WDPCP: variants seen among roughly 807,000 people sequenced by gnomAD.
WDPCP encodes the protein WD repeat-containing and planar cell polarity effector protein fritz homolog.
Under a neutral mutation model 93.1 loss-of-function variants are expected in WDPCP, and 71 were observed. That is an observed-to-expected ratio of 0.76 (90% confidence interval 0.63 to 0.93). The LOEUF is 0.93. Ranked by LOEUF, WDPCP falls within the 40% of genes least tolerant of loss-of-function variation. The pLI, the probability that WDPCP is intolerant of heterozygous loss-of-function variation, is 0.00. For synonymous variants in WDPCP, 315 were observed against 315.0 expected (o/e 1.00, Z 0.00); for missense variants, 844 against 887.4 (o/e 0.95, Z 0.62).
intron 1 of WDPCP, among the ~76,000 whole-genome samples, chr2:63,583,952 GAA>G (rs919156719): frequency 6.7e-6 from 1 of 149,754 alleles, no homozygotes; most frequent in Non-Finnish European, 1.5e-5. Context: ...AGAAGAATAA[GAA>G]AAAAAAAGAG....
At chr2:63,454,408 T>C (rs1698486867) in intron 6 of WDPCP, among the ~76,000 whole-genome samples, 1 of 151,770 alleles carries the variant, frequency 6.6e-6, no homozygotes, top group African/African-American at 2.4e-5. Context: ...ATATACATGA[T>C]GAGTTGATGG....
At chr2:63,312,079 AT>A (rs1057112602) in intron 13 of WDPCP, among the ~76,000 whole-genome samples, 4 of 152,166 alleles carry the variant, frequency 2.6e-5, no homozygotes, top group African/African-American at 9.6e-5. Flanking sequence ...TTTGATGAAA[AT>A]AATAAAATCT....
At chr2:63,609,168 A>C (rs1575728979) in intron 3 of WDPCP, among the ~76,000 whole-genome samples, 1 of 152,088 alleles carries the variant, frequency 6.6e-6, no homozygotes, top group Non-Finnish European at 1.5e-5. Context: ...GGAGTTCAAG[A>C]CTAGCCTGGC....
chr2:63,648,446 A>G (rs1181058497), intron 3 of WDPCP, among the ~76,000 whole-genome samples: 1 of 152,226 alleles, frequency 6.6e-6, no homozygotes, highest in African/African-American at 2.4e-5. Flanking sequence ...TCATTCAATG[A>G]GTTGGGAAAT....
chr2:63,241,711 T>G (rs972052494), intron 14 of WDPCP, among the ~76,000 whole-genome samples: 1 of 152,138 alleles, frequency 6.6e-6, no homozygotes, highest in African/African-American at 2.4e-5. Context: ...TGATGTTCTA[T>G]CTCAGCTTCT....
intron 13 of WDPCP, among the ~76,000 whole-genome samples, chr2:63,275,336 C>T (rs773394177): frequency 6.6e-6 from 1 of 152,112 alleles, no homozygotes. Flanking sequence ...TAGCATCATA[C>T]TGAATAGGCA....
intron 12 of WDPCP, among the ~76,000 whole-genome samples, chr2:63,333,709 T>C (rs2104369652): frequency 6.6e-6 from 1 of 152,338 alleles, no homozygotes; most frequent in East Asian, 1.9e-4. Flanking sequence ...ATTTCTTAAA[T>C]GTATTTAAGT....
At chr2:63,610,893 G>C (rs924186991) in intron 3 of WDPCP, among the ~76,000 whole-genome samples, 1 of 152,088 alleles carries the variant, frequency 6.6e-6, no homozygotes, top group Non-Finnish European at 1.5e-5. Context: ...TCAGGAGTTC[G>C]AGACCAACCT....
In WDPCP at chr2:63,335,666, C is replaced by A. The variant is rs146661600; in HGVS notation, c.1749-22355G>T. Reference sequence around the variant, plus strand: ...TGTTTTTGTGTGTTGATCCTGTATCCTGCAACCTTGCTGAATTCATTTATT... The same window carrying A: ...TGTTTTTGTGTGTTGATCCTGTATCATGCAACCTTGCTGAATTCATTTATT... On this transcript the variant is annotated intron_variant, in intron 12 of 17. Coordinates refer to ENST00000272321, the MANE Select transcript of WDPCP (RefSeq NM_015910.7). Among the ~76,000 whole-genome samples, 293 of 152,216 alleles carry A rather than the reference C, an allele frequency of 1.9e-3. 3 individuals carry two copies. The highest frequency in any genetic ancestry group is 6.6e-3 in the African/African-American group (273 of 41,540).
At chr2:63,283,991 C>T (rs1376645285) in intron 13 of WDPCP, among the ~76,000 whole-genome samples, 1 of 150,500 alleles carries the variant, frequency 6.6e-6, no homozygotes, top group East Asian at 1.9e-4. Context: ...GTTATTCAGT[C>T]AAAAAAGAAA....
At chr2:63,341,961 T>G (rs959549539) in intron 12 of WDPCP, among the ~76,000 whole-genome samples, 2 of 152,202 alleles carry the variant, frequency 1.3e-5, no homozygotes, top group Admixed American at 1.3e-4. Context: ...ACATATATGG[T>G]TGGATCATGT....
At chr2:63,633,060 G>T (rs1171885229) in intron 3 of WDPCP, among the ~76,000 whole-genome samples, 1 of 152,086 alleles carries the variant, frequency 6.6e-6, no homozygotes, top group Non-Finnish European at 1.5e-5. Context: ...GGCCAGGAGA[G>T]AGTGAGATAT....
In WDPCP at chr2:63,530,338, A is replaced by G. The variant is rs1483391359; in HGVS notation, c.76-37398T>C. ...TTCCTGCTTTCTCTTGTGGGCATTT[A>G]GTGCTATAAATTTCCTGCTACACAC... On this transcript the variant is annotated intron_variant, in intron 1 of 17. Transcript: ENST00000272321. Among the ~76,000 whole-genome samples, 6 of 152,162 alleles carry G rather than the reference A, an allele frequency of 3.9e-5. No homozygotes were observed. The East Asian group carries it at 9.6e-4, about 24-fold the overall frequency.
At chr2:63,659,769 C>T (rs1710206500) in intron 2 of WDPCP, among the ~76,000 whole-genome samples, 1 of 152,154 alleles carries the variant, frequency 6.6e-6, no homozygotes, top group Non-Finnish European at 1.5e-5. Flanking sequence ...TATATATGAG[C>T]CCGTGAGCTT....
At chr2:63,507,084 T>C (rs1701927057) in intron 1 of WDPCP, among the ~76,000 whole-genome samples, 1 of 151,972 alleles carries the variant, frequency 6.6e-6, no homozygotes, top group Admixed American at 6.6e-5. Context: ...AAATAAATTA[T>C]GAAGAAATAA....
chr2:63,839,832 T>G, the WDPCP span, among the ~76,000 whole-genome samples: 21 of 152,214 alleles, frequency 1.4e-4, no homozygotes, highest in Non-Finnish European at 2.1e-4. Context: ...TGGGGAAAAT[T>G]CGTTTTACGG....
At chr2:63,396,467 T>C (rs924102257) in intron 10 of WDPCP, among the ~76,000 whole-genome samples, 1 of 152,104 alleles carries the variant, frequency 6.6e-6, no homozygotes, top group African/African-American at 2.4e-5. Flanking sequence ...CATGTAACCT[T>C]TTCCTAACTT....
Position 63,347,119 on chromosome 2 carries a change from T to A in WDPCP, c.1748+31267A>T, listed in dbSNP as rs148935196. Reference sequence around the variant, plus strand: ...ACAGGTAATATTTATTAGGATCTTCTGTGTACTAGTTACTATTTTAAGTAC... The same window carrying A: ...ACAGGTAATATTTATTAGGATCTTCAGTGTACTAGTTACTATTTTAAGTAC... On this transcript the variant is annotated intron_variant, in intron 12 of 17. Coordinates refer to ENST00000272321, the MANE Select transcript of WDPCP (RefSeq NM_015910.7). 1.4e-4 allele frequency among the ~76,000 whole-genome samples: 22 copies of A among 152,306 alleles called. No homozygotes were observed. The East Asian group carries it at 3.1e-3, about 21-fold the overall frequency.
chr2:63,245,369 T>C (rs1680190751), intron 14 of WDPCP, among the ~76,000 whole-genome samples: 1 of 152,074 alleles, frequency 6.6e-6, no homozygotes, highest in Non-Finnish European at 1.5e-5. Flanking sequence ...CGGGTAACAG[T>C]GATAAGAAAA....
Sources: gnomAD v4.1 joint callset for allele counts (sites outside exome capture counted in the v4.1 genomes callset) on GRCh38, gnomAD v4.1.1 for gene constraint, MANE v1.5 for transcripts, NCBI Gene and HGNC (gene_info 2026-07-23, HGNC 2026-07-21) for gene names.